MTMR8: variants seen among roughly 807,000 people sequenced by gnomAD.
MTMR8 encodes myotubularin related protein 8, also known as phosphatidylinositol-3,5-bisphosphate 3-phosphatase MTMR8.
In MTMR8, 65 loss-of-function variants were observed where a neutral mutation model predicts 39.3. That is an observed-to-expected ratio of 1.65 (90% CI 1.35 to 2.03). The LOEUF (loss-of-function observed/expected upper bound fraction) is 2.03. Ranked by LOEUF, MTMR8 falls within the 30% of genes most tolerant of loss-of-function variation. MTMR8 has a pLI of 0.00. For missense variants in MTMR8, 777 were observed against 538.9 expected (o/e 1.44, Z -4.37); for synonymous variants, 245 against 185.2 (o/e 1.32, Z -2.62).
intron 12 of MTMR8, among the ~76,000 whole-genome samples, chrX:64,283,854 T>C (rs1346188184): frequency 8.9e-6 from 1 of 111,810 alleles, no homozygotes; most frequent in East Asian, 2.8e-4. Context: ...CAAAGGTAGA[T>C]AAAACCACAA....
chrX:64,306,989 G>A (rs756984215), intron 12 of MTMR8, among the ~76,000 whole-genome samples: 3 of 112,052 alleles, frequency 2.7e-5, no homozygotes, highest in East Asian at 2.8e-4. Flanking sequence ...CAACGGTGGC[G>A]GAATGTAATG....
chrX:64,395,199 AC>A, intron 1 of MTMR8, 140 bp downstream of exon 1: 1 of 604,305 alleles, frequency 1.7e-6, no homozygotes. Context: ...GGGGGTGTGG[AC>A]CCAGAAAGAG....
At position 64,359,592 on chromosome X, in the gene MTMR8, A is replaced by G. The variant is rs1923724219; in HGVS notation, c.25-65T>C. 3 of 1,073,367 alleles carry G rather than the reference A, an allele frequency of 2.8e-6. No individual in the cohort carries two copies. In the South Asian group the frequency reaches 6.9e-5, roughly 25 times the overall value. The allele number at this position is 1,073,367 out of a possible 1,213,427, so 88.5% of individuals were successfully genotyped here. A position where few individuals can be genotyped will look rare whatever the true frequency, so the allele number is the denominator to read the frequency against. ...CACCACCTATGATTGAAGTGGGGCC[A>G]TTCAAAGCAAGATAAACGCTGTTAA... On this transcript the variant is annotated intron_variant, in intron 1 of 13. Coordinates refer to ENST00000374852, the MANE Select transcript of MTMR8 (RefSeq NM_017677.4).
intron 12 of MTMR8, among the ~76,000 whole-genome samples, chrX:64,300,885 A>G (rs1280710654): frequency 1.8e-5 from 2 of 110,502 alleles, no homozygotes; most frequent in Non-Finnish European, 3.8e-5. Flanking sequence ...TCTTTCCTTT[A>G]AGAATGTTGA....
intron 5 of MTMR8, among the ~76,000 whole-genome samples, chrX:64,349,717 A>C (rs896886146): frequency 4.5e-5 from 5 of 112,043 alleles, no homozygotes; most frequent in African/African-American, 1.6e-4. Flanking sequence ...AGAAATAAAC[A>C]TACTAAAATG....
intron 12 of MTMR8, among the ~76,000 whole-genome samples, chrX:64,283,186 C>A (rs552109640): frequency 2.8e-4 from 31 of 112,295 alleles, no homozygotes; most frequent in Admixed American, 5.7e-4. Flanking sequence ...TATCCGGCAC[C>A]TGGCTCAGAG....
chrX:64,393,513 A>G (rs969550219), intron 1 of MTMR8, among the ~76,000 whole-genome samples: 1 of 111,969 alleles, frequency 8.9e-6, no homozygotes, highest in African/African-American at 3.2e-5. Context: ...CCCAGTTGTC[A>G]AAAGAGAGAA....
intron 12 of MTMR8, among the ~76,000 whole-genome samples, chrX:64,301,002 C>T (rs1345226852): frequency 7.6e-5 from 8 of 105,835 alleles, no homozygotes; most frequent in African/African-American, 2.4e-4. Context: ...CTCTGGCTGC[C>T]CTTAACATTT....
rs1177291904 is a variant in MTMR8 at position 64,270,932 on chromosome X, G to A, written c.1608+15C>T. ...AAGGGGCAAGAAGATCTCTCTTTGG[G>A]ACTTTTCTCCTCACCTTTTCTAGTT... On this transcript the variant is annotated intron_variant, in intron 13 of 13. Transcript: ENST00000374852. 1 of 1,205,801 alleles carries A rather than the reference G, an allele frequency of 8.3e-7. No individual in the cohort carries two copies. Among genetic ancestry groups the A allele is most frequent in the Admixed American group, 2.2e-5 (1 of 45,401 alleles).
chrX:64,272,772 G>T (rs1264006240), intron 12 of MTMR8, among the ~76,000 whole-genome samples: 2 of 111,488 alleles, frequency 1.8e-5, no homozygotes, highest in Non-Finnish European at 3.8e-5. Flanking sequence ...TTTGAAAGCA[G>T]TAAGATAAAA....
chrX:64,367,400 C>G (rs1432212096), intron 1 of MTMR8, among the ~76,000 whole-genome samples: 1 of 111,714 alleles, frequency 9.0e-6, no homozygotes, highest in South Asian at 3.8e-4. Flanking sequence ...ACATCAAAAA[C>G]CTTATCCACC....
chrX:64,364,337 G>A (rs1923883475), intron 1 of MTMR8, among the ~76,000 whole-genome samples: 1 of 112,050 alleles, frequency 8.9e-6, no homozygotes, highest in Admixed American at 9.4e-5. Flanking sequence ...CTCCCAGTAG[G>A]GGCCGAATGA....
intron 1 of MTMR8, among the ~76,000 whole-genome samples, chrX:64,361,209 T>C (rs1923771170): frequency 9.0e-6 from 1 of 111,599 alleles, no homozygotes; most frequent in Non-Finnish European, 1.9e-5. Context: ...TCAAAGATTT[T>C]CCCTAACAAA....
chrX:64,333,489 G>A (rs1409886897), intron 10 of MTMR8, among the ~76,000 whole-genome samples: 1 of 111,879 alleles, frequency 8.9e-6, no homozygotes, highest in Admixed American at 9.5e-5. Context: ...CGTTTGGACT[G>A]GAACTTTCAC....
chrX:64,306,293 T>A (rs1922116024), intron 12 of MTMR8: 1 of 309,769 alleles, frequency 3.2e-6, no homozygotes, highest in Non-Finnish European at 6.4e-6. Context: ...ACTGAACTAC[T>A]GTTTGAGCTT....
intron 5 of MTMR8, 51 bp downstream of exon 5, chrX:64,349,891 G>A: frequency 1.2e-5 from 12 of 1,033,682 alleles, no homozygotes; most frequent in Non-Finnish European, 1.5e-5. Flanking sequence ...ACTTAAAACA[G>A]GTCTTCCAGA....
chrX:64,392,951 G>T (rs1169370673), intron 1 of MTMR8, among the ~76,000 whole-genome samples: 1 of 111,460 alleles, frequency 9.0e-6, no homozygotes, highest in Non-Finnish European at 1.9e-5. Context: ...TCTAGAAACT[G>T]AGAAAAAAAC....
chrX:64,363,728 T>A (rs775282894), intron 1 of MTMR8, among the ~76,000 whole-genome samples: 1 of 111,413 alleles, frequency 9.0e-6, no homozygotes, highest in African/African-American at 3.3e-5. Context: ...TTCATCTAAT[T>A]GGGACTGGTT....
At chrX:64,309,606 T>A (rs1028326919) in intron 12 of MTMR8, among the ~76,000 whole-genome samples, 1 of 111,832 alleles carries the variant, frequency 8.9e-6, no homozygotes, top group African/African-American at 3.3e-5. Flanking sequence ...CTTAATTCTA[T>A]GGCTAGGACT....
Sources: gnomAD v4.1 joint callset for allele counts (sites outside exome capture counted in the v4.1 genomes callset) on GRCh38, gnomAD v4.1.1 for gene constraint, MANE v1.5 for transcripts, NCBI Gene and HGNC (gene_info 2026-07-23, HGNC 2026-07-21) for gene names.